Variants in PALD1 observed in about 807,000 individuals in gnomAD.
PALD1 encodes phosphatase domain containing paladin 1, also known as paladin.
In PALD1, 57 loss-of-function variants were observed where a neutral mutation model predicts 96.0. The ratio of observed to expected loss-of-function variants is 0.59; its 90% CI spans 0.48 to 0.74. The LOEUF (loss-of-function observed/expected upper bound fraction) is 0.74, where lower values mean the gene tolerates loss of function less well. PALD1 is among the 30% of genes least tolerant of loss of function. The pLI, the probability that PALD1 is intolerant of heterozygous loss-of-function variation, is 0.00. For synonymous variants in PALD1, 464 were observed against 473.6 expected, an observed-to-expected ratio of 0.98 and a Z score of 0.26; for missense variants, 1,063 against 1,143.7, an observed-to-expected ratio of 0.93 and a Z score of 1.02.
chr10:70,496,357 A>C (rs1252416245), intron 1 of PALD1, among the ~76,000 whole-genome samples: 43 of 152,190 alleles, frequency 2.8e-4, no homozygotes, highest in Non-Finnish European at 5.3e-4. Flanking sequence ...CTCCCTACCC[A>C]GATCAAGGTG....
chr10:70,506,365 C>T (rs776685638), intron 1 of PALD1, among the ~76,000 whole-genome samples: 9 of 152,132 alleles, frequency 5.9e-5, no homozygotes, highest in Non-Finnish European at 1.0e-4. Flanking sequence ...AAGGCAGTGA[C>T]GTCTTAGTGC....
At position 70,529,218 on chromosome 10, in the gene PALD1, C is replaced by A. The variant is rs748860544; in HGVS notation, c.186-11C>A. ...CTCAGTTTCCATTCTGCCCCCCCCC[C>A]CCCCCCCCAGGTACAACTGCAAGGA... On this transcript the variant is annotated splice_polypyrimidine_tract_variant and intron_variant, in intron 2 of 19. Transcript: ENST00000263563. 4.8e-5 allele frequency: 18 copies of A among 375,560 alleles called. 4 individuals are homozygous for A. Among genetic ancestry groups the A allele is most frequent in the East Asian group, 8.6e-5 (1 of 11,672 alleles). 23.3% of individuals were successfully genotyped at this position (375,560 alleles called of 1,614,324 possible). A position where few individuals can be genotyped will look rare whatever the true frequency, so the allele number is the denominator to read the frequency against.
chr10:70,528,363 GA>G (rs1156327922), intron 2 of PALD1, among the ~76,000 whole-genome samples: 1 of 152,196 alleles, frequency 6.6e-6, no homozygotes, highest in Non-Finnish European at 1.5e-5. Context: ...TGTGGAGGTA[GA>G]ACTACAATTA....
intron 5 of PALD1, among the ~76,000 whole-genome samples, chr10:70,532,167 G>T (rs1002414198): frequency 6.6e-6 from 1 of 152,014 alleles, no homozygotes; most frequent in African/African-American, 2.4e-5. Flanking sequence ...ACAGAGGCTT[G>T]TGGAGGCCTC....
chr10:70,548,386 G>T (rs1320932999), intron 18 of PALD1, among the ~76,000 whole-genome samples: 1 of 152,158 alleles, frequency 6.6e-6, no homozygotes, highest in Non-Finnish European at 1.5e-5. Flanking sequence ...CCTCAAGCCT[G>T]CCTGGGTCCC....
At chr10:70,561,334 C>G (rs117032034) in intron 18 of PALD1, among the ~76,000 whole-genome samples, 14 of 152,308 alleles carry the variant, frequency 9.2e-5, no homozygotes, top group East Asian at 3.9e-4. Context: ...GGCTCTTGCC[C>G]GGTGGAACTG....
At chr10:70,563,258 C>T (rs12411394) in intron 18 of PALD1, among the ~76,000 whole-genome samples, 38,642 of 151,914 alleles carry the variant, frequency 0.25, 5,347 homozygotes, top group Non-Finnish European at 0.32. Context: ...CGTCTTGTCC[C>T]TCCTCATCCT....
At chr10:70,498,778 A>T (rs1404059427) in intron 1 of PALD1, among the ~76,000 whole-genome samples, 3 of 152,078 alleles carry the variant, frequency 2.0e-5, no homozygotes, top group African/African-American at 7.2e-5. Context: ...AATACAAAAA[A>T]TTAGCCAGAC....
chr10:70,566,784 G>A lies in PALD1; in HGVS notation c.*51G>A. The A allele has an allele frequency of 1.5e-6, 2 of 1,300,274 alleles. No homozygotes were observed. Among genetic ancestry groups the A allele is most frequent in the Non-Finnish European group, 2.1e-6 (2 of 944,372 alleles). The allele number at this position is 1,300,274 out of a possible 1,614,324, so 80.5% of individuals were successfully genotyped here. On this transcript the variant is annotated 3_prime_UTR_variant, in exon 20 of 20. Coordinates refer to ENST00000263563, the MANE Select transcript of PALD1 (RefSeq NM_014431.3). The stretch of plus-strand genomic sequence containing the variant: ...CCACAGGGCCCCACGCAGGCCTGGG[G>A]TGTCTGAGGTGCTCTTGGCTGGGAG...
Position 70,516,409 on chromosome 10 carries a change from C to T in PALD1, c.-29-9514C>T, listed in dbSNP as rs7915840. On this transcript the variant is annotated intron_variant, in intron 1 of 19. Transcript: ENST00000263563. ...TCAGCCTCTTACAGGTGTGAGCTAT[C>T]GCTCCCAGCCTTGTGTGGCACTTTA... Among the ~76,000 whole-genome samples, 1,309 of 152,262 alleles carry T rather than the reference C, an allele frequency of 8.6e-3. 19 individuals carry two copies. The highest frequency in any genetic ancestry group is 0.03 in the African/African-American group (1,263 of 41,536).
intron 18 of PALD1, among the ~76,000 whole-genome samples, chr10:70,562,406 C>T (rs1002052573): frequency 2.6e-5 from 4 of 152,248 alleles, no homozygotes; most frequent in African/African-American, 9.6e-5. Context: ...ACAGGCCCTG[C>T]TCAGGCTACT....
At chr10:70,477,010 CATGTATGTGT>C (rs1193029006), upstream of PALD1, among the ~76,000 whole-genome samples, 1 of 146,382 alleles carries the variant, frequency 6.8e-6, no homozygotes, top group Non-Finnish European at 1.5e-5. Context: ...CATATATGTG[CATGTATGTGT>C]ATACATGTGT....
rs1847184350 is a variant in PALD1 at position 70,539,220 on chromosome 10, G to A, written c.1698G>A (p.Gly566=). 6.2e-6 allele frequency: 10 copies of A among 1,611,520 alleles called. No homozygotes were observed. Among genetic ancestry groups the A allele is most frequent in the Non-Finnish European group, 7.6e-6 (9 of 1,179,108 alleles). ...DGHTYSLRWP[G]PPVAPDQLET... is the part of the protein sequence containing the mutation. ...ACACCTACAGCCTGCGGTGGCCTGGGCCCCCTGTGGCTCCTGACCAGCTGG... is the reference window on the plus strand; with the variant it reads ...ACACCTACAGCCTGCGGTGGCCTGGACCCCCTGTGGCTCCTGACCAGCTGG... Residue 566 remains glycine, a synonymous_variant, in exon 14 of 20, where the codon GGG becomes GGA. Transcript: ENST00000263563. This position sits in a 1 kb window ranked among gnomAD's most constrained non-coding sequence, Gnocchi z 4.5.
chr10:70,536,500 A>G (rs1379476833), intron 10 of PALD1, among the ~76,000 whole-genome samples: 3 of 152,178 alleles, frequency 2.0e-5, no homozygotes, highest in South Asian at 2.1e-4. Context: ...GCTGTTGTGT[A>G]TTTAGGATTC....
chr10:70,469,423 G>T, the PALD1 span, among the ~76,000 whole-genome samples: 1 of 152,298 alleles, frequency 6.6e-6, no homozygotes, highest in African/African-American at 2.4e-5. Flanking sequence ...GCTTATCTCA[G>T]ATTGTCTGGG....
chr10:70,462,263 A>C, the PALD1 span, among the ~76,000 whole-genome samples: 1 of 152,206 alleles, frequency 6.6e-6, no homozygotes, highest in Non-Finnish European at 1.5e-5. Flanking sequence ...CTGGAAGTTA[A>C]CATTAAGGCT....
intron 1 of PALD1, among the ~76,000 whole-genome samples, chr10:70,519,518 C>T (rs974434111): frequency 2.6e-5 from 4 of 152,112 alleles, no homozygotes; most frequent in South Asian, 4.2e-4. Context: ...CCCCCTCTCC[C>T]CCAAAGCCTC....
chr10:70,523,654 G>C (rs1286461614), intron 1 of PALD1, among the ~76,000 whole-genome samples: 1 of 152,172 alleles, frequency 6.6e-6, no homozygotes, highest in Non-Finnish European at 1.5e-5. Context: ...GGAGAAATTA[G>C]GGTGTGGAGC....
Position 70,529,338 on chromosome 10 carries a change from T to A in PALD1, c.288+7T>A. ...TGAGCACTACCTGGTGCAAGTGAGC[T>A]CAGGCCTTACCCTGCCAGCCCGCCT... On this transcript the variant is annotated splice_region_variant and intron_variant, in intron 3 of 19. Transcript: ENST00000263563. 6.7e-7 allele frequency: 1 copy of A among 1,500,942 alleles called. No individual in the cohort carries two copies. Among genetic ancestry groups the A allele is most frequent in the Non-Finnish European group, 9.2e-7 (1 of 1,083,530 alleles). The allele number at this position is 1,500,942 out of a possible 1,614,324, so 93.0% of individuals were successfully genotyped here.
Sources: allele counts gnomAD v4.1 joint callset (sites outside exome capture counted in the v4.1 genomes callset), GRCh38; gene constraint gnomAD v4.1.1; non-coding constraint Gnocchi (gnomAD v3.1); transcripts MANE v1.5; gene names NCBI Gene and HGNC (gene_info 2026-07-23, HGNC 2026-07-21).